The following MICAL2 variants were observed in gnomAD, a reference collection of about 807,000 sequenced individuals.
MICAL2 encodes the protein microtubule associated monooxygenase, calponin and LIM domain containing 2.
Under a neutral mutation model 127.3 loss-of-function variants are expected in MICAL2, and 77 were observed. The ratio of observed to expected loss-of-function variants is 0.60; its 90% CI spans 0.50 to 0.73. The LOEUF is 0.73. Ranked by LOEUF, MICAL2 falls within the 30% of genes least tolerant of loss-of-function variation. The pLI is 0.00. For missense variants in MICAL2, 1,351 were observed against 1,434.4 expected, an observed-to-expected ratio of 0.94 and a Z score of 0.94; for synonymous variants, 570 against 551.1, an observed-to-expected ratio of 1.03 and a Z score of -0.48.
At chr11:12,264,362 G>T (rs1056457634), downstream of MICAL2, among the ~76,000 whole-genome samples, 31 of 152,282 alleles carry the variant, frequency 2.0e-4, no homozygotes, top group African/African-American at 6.7e-4. Flanking sequence ...AAGGCTCAGG[G>T]TATTCAGTAT....
intron 1 of MICAL2, among the ~76,000 whole-genome samples, chr11:12,280,403 A>G (rs114599620): frequency 0.05 from 7,556 of 152,272 alleles, 649 homozygotes; most frequent in African/African-American, 0.17. Context: ...GGCTGCCATA[A>G]CAAAGCACCA....
intron 2 of MICAL2, among the ~76,000 whole-genome samples, chr11:12,282,746 A>T (rs186199612): frequency 3.0e-4 from 45 of 152,274 alleles, no homozygotes; most frequent in African/African-American, 1.0e-3. Flanking sequence ...CTAATGCTTA[A>T]CTCTGTAGTT....
chr11:12,171,164 CAA>C (rs1320164890), intron 3 of MICAL2, among the ~76,000 whole-genome samples: 3 of 152,182 alleles, frequency 2.0e-5, no homozygotes, highest in Non-Finnish European at 2.9e-5. Context: ...GTGGAGCTTT[CAA>C]AAGAGACGGG....
intron 29 of MICAL2, among the ~76,000 whole-genome samples, chr11:12,304,693 C>CACAA (rs1565300044): frequency 5.8e-5 from 8 of 138,276 alleles, no homozygotes; most frequent in East Asian, 4.1e-4. Context: ...CACACACACA[C>CACAA]AAAACATTCT....
At chr11:12,360,285 T>C (rs995429334), downstream of MICAL2, among the ~76,000 whole-genome samples, 37 of 152,298 alleles carry the variant, frequency 2.4e-4, no homozygotes, top group African/African-American at 7.2e-4. Context: ...CATTTCCTCA[T>C]AATTCAGGTT....
intron 5 of MICAL2, among the ~76,000 whole-genome samples, chr11:12,208,852 T>G (rs1217173479): frequency 6.6e-6 from 1 of 152,196 alleles, no homozygotes; most frequent in Non-Finnish European, 1.5e-5. Context: ...TAGGGTACAT[T>G]TCTGATTTCT....
chr11:12,289,025 T>G (rs1863861022), downstream of MICAL2, among the ~76,000 whole-genome samples: 1 of 152,254 alleles, frequency 6.6e-6, no homozygotes, highest in Non-Finnish European at 1.5e-5. Context: ...CAGCTGGTTC[T>G]GGCCCCAAGC....
At chr11:12,207,208 C>G (rs977251624) in intron 4 of MICAL2, among the ~76,000 whole-genome samples, 1 of 152,166 alleles carries the variant, frequency 6.6e-6, no homozygotes, top group Non-Finnish European at 1.5e-5. Flanking sequence ...CCACCATCAC[C>G]CTCCCCCAAC....
chr11:12,267,983 G>C, downstream of MICAL2, among the ~76,000 whole-genome samples: 1 of 152,198 alleles, frequency 6.6e-6, no homozygotes, highest in East Asian at 1.9e-4. Flanking sequence ...GAGGGCAGGG[G>C]TCTTGGTTGC....
intron 2 of MICAL2, chr11:12,287,060 C>G (rs1207041042): frequency 2.5e-6 from 1 of 398,850 alleles, no homozygotes; most frequent in Non-Finnish European, 4.4e-6. Flanking sequence ...CCCACCCCAT[C>G]TTCCCTGTCC....
At chr11:12,168,222 CAT>C (rs1281595825) in intron 3 of MICAL2, among the ~76,000 whole-genome samples, 1 of 151,162 alleles carries the variant, frequency 6.6e-6, no homozygotes, top group Non-Finnish European at 1.5e-5. Flanking sequence ...CATATACACA[CAT>C]ACACACACCA....
intron 2 of MICAL2, among the ~76,000 whole-genome samples, chr11:12,144,021 A>G (rs2133654967): frequency 6.6e-6 from 1 of 152,150 alleles, no homozygotes; most frequent in Middle Eastern, 3.4e-3. Context: ...TTTAATGAAT[A>G]CCTTGCTGAG....
chr11:12,355,134 C>G (rs1157398096), intron 34 of MICAL2, among the ~76,000 whole-genome samples: 1 of 152,188 alleles, frequency 6.6e-6, no homozygotes, highest in Non-Finnish European at 1.5e-5. Flanking sequence ...TCATTTAACA[C>G]ACATTTACTG....
rs577378606 is a variant in MICAL2, at chr11:12,201,363, T to A, written c.265-2887T>A. On this transcript the variant is annotated intron_variant, in intron 3 of 27. Coordinates refer to ENST00000683283, the MANE Select transcript of MICAL2 (RefSeq NM_001282663.2). The stretch of plus-strand genomic sequence containing the variant: ...GGACCCTGCAGGCCCAGCTGAGTGA[T>A]AACTGGATGATGGAACGTTTGCTAG... 3.3e-5 allele frequency among the ~76,000 whole-genome samples: 5 copies of A among 152,050 alleles called. No individual in the cohort carries two copies. The South Asian group carries it at 1.0e-3, about 32-fold the overall frequency.
chr11:12,138,994 A>G (rs1213653395), intron 2 of MICAL2, among the ~76,000 whole-genome samples: 1 of 152,146 alleles, frequency 6.6e-6, no homozygotes, highest in African/African-American at 2.4e-5. Flanking sequence ...TGGTAGGCTA[A>G]TAAGTGCCCA....
chr11:12,191,533 G>A (rs1859118579), intron 3 of MICAL2, among the ~76,000 whole-genome samples: 1 of 151,718 alleles, frequency 6.6e-6, no homozygotes. Flanking sequence ...GGAGGCCAAG[G>A]CAGGTGGATT....
At position 12,244,113 on chromosome 11, in the gene MICAL2, G is replaced by C; in HGVS notation, c.2784+1G>C. The C allele has an allele frequency of 1.9e-6, 3 of 1,614,220 alleles. No homozygotes were observed. The highest frequency in any genetic ancestry group is 2.5e-6 in the Non-Finnish European group (3 of 1,180,032). On this transcript the variant is annotated splice_donor_variant, in intron 21 of 27. Coordinates refer to ENST00000683283, the MANE Select transcript of MICAL2 (RefSeq NM_001282663.2). LOFTEE classifies it high-confidence loss of function. ...TGACTCTGCTTCTCCTGCCAGAAAG[G>C]TAGTTGTCCTGAACAATTTGCTTTC...
At chr11:12,202,783 C>A (rs61875235) in intron 3 of MICAL2, among the ~76,000 whole-genome samples, 5 of 152,150 alleles carry the variant, frequency 3.3e-5, no homozygotes, top group African/African-American at 7.2e-5. Context: ...TTTTCTCATG[C>A]GCTTTTTAAA....
rs146817100 is a variant in MICAL2 at position 12,306,949 on chromosome 11, T to C, written c.5212+12092T>C. ...GTACAGGTCTCTGTGTAGAGACATG[T>C]TTCCATTTGCCTTAGCCAAGTTCCT... On this transcript the variant is annotated intron_variant, in intron 29 of 34. Coordinates refer to the MICAL2 transcript ENST00000646065. Among the ~76,000 whole-genome samples, 67 of 152,348 alleles carry C rather than the reference T, an allele frequency of 4.4e-4. No individual in the cohort carries two copies. In the East Asian group the frequency reaches 9.6e-3, roughly 22 times the overall value.
Sources: gnomAD v4.1 joint callset for allele counts (sites outside exome capture counted in the v4.1 genomes callset) on GRCh38, gnomAD v4.1.1 for gene constraint, MANE v1.5 for transcripts, NCBI Gene and HGNC (gene_info 2026-07-23, HGNC 2026-07-21) for gene names.